CSMD3: variants seen among roughly 807,000 people sequenced by gnomAD.
CSMD3 encodes the protein CUB and Sushi multiple domains 3.
Under a neutral mutation model 435.2 loss-of-function variants are expected in CSMD3, and 177 were observed. The observed-to-expected ratio is 0.41, with a 90% CI of 0.36 to 0.46. The LOEUF is 0.46. Among genes scored for constraint, CSMD3 ranks in the 20% least tolerant of loss-of-function variants. The pLI, the probability that CSMD3 is intolerant of heterozygous loss-of-function variation, is 0.34. For synonymous variants in CSMD3, 1,656 were observed against 1,520.5 expected, an observed-to-expected ratio of 1.09 and a Z score of -2.07; for missense variants, 4,265 against 4,504.6, an observed-to-expected ratio of 0.95 and a Z score of 1.52.
intron 5 of CSMD3, among the ~76,000 whole-genome samples, chr8:113,043,097 AT>A (rs1406779830): frequency 2.6e-5 from 4 of 152,204 alleles, no homozygotes; most frequent in Non-Finnish European, 5.9e-5. Flanking sequence ...CAAATATAGT[AT>A]TCTTTCTAAA....
rs1826214347 is a variant in CSMD3 at position 112,352,414 on chromosome 8, A to G, written c.6255+2T>C. On this transcript the variant is annotated splice_donor_variant, in intron 39 of 70. Coordinates refer to ENST00000297405, the MANE Select transcript of CSMD3 (RefSeq NM_198123.2). LOFTEE classifies it high-confidence loss of function. ...AAAACCACAACTTTAAAATAGACTT[A>G]CCTGAAGAGAATATCCTTGATCACA... The G allele has an allele frequency of 6.2e-7, 1 of 1,613,188 alleles. No individual in the cohort carries two copies. The highest frequency in any genetic ancestry group is 8.5e-7 in the Non-Finnish European group (1 of 1,179,596).
chr8:113,236,143 T>C (rs574488246), intron 3 of CSMD3, among the ~76,000 whole-genome samples: 1 of 152,200 alleles, frequency 6.6e-6, no homozygotes, highest in African/African-American at 2.4e-5. Flanking sequence ...AGATTTTATA[T>C]GCTAATGATA....
At chr8:112,542,361 A>G (rs1283417713) in intron 27 of CSMD3, among the ~76,000 whole-genome samples, 1 of 150,454 alleles carries the variant, frequency 6.6e-6, no homozygotes, top group Non-Finnish European at 1.5e-5. Context: ...AAAAAAAAAA[A>G]TAGGTAAAAT....
At position 113,234,628 on chromosome 8, in the gene CSMD3, G is replaced by T. The variant is rs76118286; in HGVS notation, c.514+43964C>A. Among the ~76,000 whole-genome samples, 41 of 152,230 alleles carry T rather than the reference G, an allele frequency of 2.7e-4. No homozygotes were observed. The East Asian group carries it at 7.3e-3, about 27-fold the overall frequency. On this transcript the variant is annotated intron_variant, in intron 3 of 70. Coordinates refer to ENST00000297405, the MANE Select transcript of CSMD3 (RefSeq NM_198123.2). ...AACCTTGGCCAATAATTTTCAGGCT[G>T]ACCTGAATGCTTTTCAATTTCAGGA...
At chr8:112,705,331 C>T (rs926157523) in intron 13 of CSMD3, among the ~76,000 whole-genome samples, 7 of 151,990 alleles carry the variant, frequency 4.6e-5, no homozygotes, top group African/African-American at 1.7e-4. Context: ...ATAATCTCTA[C>T]CTTTGACTAG....
chr8:112,768,335 C>G (rs2078031872), intron 13 of CSMD3, among the ~76,000 whole-genome samples: 1 of 151,816 alleles, frequency 6.6e-6, no homozygotes, highest in Non-Finnish European at 1.5e-5. Context: ...TGAAGATTTA[C>G]TAATGAGGGC....
Position 112,868,694 on chromosome 8 carries a change from C to A in CSMD3, c.1634-9428G>T, listed in dbSNP as rs140980353. On this transcript the variant is annotated intron_variant, in intron 10 of 70. Transcript: ENST00000297405. Reference sequence around the variant, plus strand: ...AGATAATGAAACAGAACAGAAAGTCCAGCAGTAAACCCATAAATATATAGT... The same window carrying A: ...AGATAATGAAACAGAACAGAAAGTCAAGCAGTAAACCCATAAATATATAGT... Among the ~76,000 whole-genome samples the A allele has an allele frequency of 4.1e-3, 617 of 152,188 alleles. 8 individuals are homozygous for A. Among genetic ancestry groups the A allele is most frequent in the African/African-American group, 0.014 (563 of 41,542 alleles).
chr8:113,303,365 C>T (rs1021573594), intron 2 of CSMD3, among the ~76,000 whole-genome samples: 4 of 150,532 alleles, frequency 2.7e-5, no homozygotes, highest in African/African-American at 9.8e-5. Context: ...CAATGCCGTC[C>T]CCATCAAGCT....
At chr8:112,379,306 C>T (rs1231685595) in intron 38 of CSMD3, among the ~76,000 whole-genome samples, 1 of 152,032 alleles carries the variant, frequency 6.6e-6, no homozygotes, top group Middle Eastern at 3.2e-3. Context: ...CCTGTCTCTA[C>T]TAAAAATATA....
chr8:113,080,858 A>G (rs1055009859), intron 5 of CSMD3, among the ~76,000 whole-genome samples: 5 of 152,210 alleles, frequency 3.3e-5, no homozygotes, highest in African/African-American at 1.2e-4. Context: ...GATATCAGCT[A>G]TTTTCATGTA....
At chr8:113,209,453 G>A (rs553101459) in intron 3 of CSMD3, among the ~76,000 whole-genome samples, 4 of 152,154 alleles carry the variant, frequency 2.6e-5, no homozygotes, top group South Asian at 2.1e-4. Context: ...TGCTAGTGCC[G>A]TGCTAAAGAA....
chr8:112,927,286 C>T (rs975713072), intron 9 of CSMD3, among the ~76,000 whole-genome samples: 28 of 152,056 alleles, frequency 1.8e-4, no homozygotes, highest in African/African-American at 6.8e-4. Flanking sequence ...CACTTAAGCT[C>T]TACACTGTTA....
intron 27 of CSMD3, among the ~76,000 whole-genome samples, chr8:112,536,305 T>A (rs1284033688): frequency 7.2e-5 from 11 of 151,878 alleles, no homozygotes; most frequent in Non-Finnish European, 5.9e-5. Context: ...GAATCTACAA[T>A]GAACTCAAAC....
At chr8:113,307,356 G>A (rs1363823846) in intron 2 of CSMD3, among the ~76,000 whole-genome samples, 2 of 151,974 alleles carry the variant, frequency 1.3e-5, no homozygotes, top group Non-Finnish European at 2.9e-5. Flanking sequence ...TGCTTAAATA[G>A]AACAAAATGA....
chr8:112,548,670 T>C (rs1390407477), intron 27 of CSMD3, among the ~76,000 whole-genome samples: 3 of 152,152 alleles, frequency 2.0e-5, no homozygotes, highest in Non-Finnish European at 4.4e-5. Flanking sequence ...TTGGCACCCA[T>C]CAAGACTTCA....
chr8:112,232,163 A>C (rs912956157), intron 68 of CSMD3, among the ~76,000 whole-genome samples: 1 of 152,218 alleles, frequency 6.6e-6, no homozygotes, highest in Non-Finnish European at 1.5e-5. Context: ...CAGCCACAAA[A>C]GGCCACATAC....
chr8:113,355,966 AAAT>A (rs1158939835), intron 1 of CSMD3, among the ~76,000 whole-genome samples: 1 of 150,966 alleles, frequency 6.6e-6, no homozygotes, highest in Non-Finnish European at 1.5e-5. Context: ...GTAAACCTTA[AAAT>A]CATGTTAGAA....
intron 4 of CSMD3, among the ~76,000 whole-genome samples, chr8:113,142,037 T>C (rs1242553736): frequency 6.6e-6 from 1 of 151,010 alleles, no homozygotes; most frequent in African/African-American, 2.4e-5. Context: ...TACAAATAGG[T>C]TGAAATACTT....
chr8:112,607,561 A>T (rs77332281), intron 22 of CSMD3, among the ~76,000 whole-genome samples: 2,971 of 152,228 alleles, frequency 0.02, 36 homozygotes, highest in Non-Finnish European at 0.03. Context: ...CATGATGAAC[A>T]TAGATTCAAA....
Sources: allele counts gnomAD v4.1 joint callset (sites outside exome capture counted in the v4.1 genomes callset), GRCh38; gene constraint gnomAD v4.1.1; transcripts MANE v1.5; gene names NCBI Gene and HGNC (gene_info 2026-07-23, HGNC 2026-07-21).